Variants in CSMD1 observed in about 807,000 individuals in gnomAD.
CSMD1 encodes the protein CUB and sushi domain-containing protein 1.
Under a neutral mutation model 417.5 loss-of-function variants are expected in CSMD1, and 213 were observed. That is an observed-to-expected ratio of 0.51 (90% confidence interval 0.46 to 0.57). The LOEUF (loss-of-function observed/expected upper bound fraction) is 0.57, where lower values mean the gene tolerates loss of function less well. Ranked by LOEUF, CSMD1 falls within the 20% of genes least tolerant of loss-of-function variation. The pLI is 0.00. For synonymous variants in CSMD1, 2,862 were observed against 1,736.8 expected (o/e 1.65, Z -16.11); for missense variants, 6,923 against 4,529.7 (o/e 1.53, Z -15.17).
chr8:3,154,243 G>A (rs1188514266), intron 39 of CSMD1, among the ~76,000 whole-genome samples: 3 of 152,248 alleles, frequency 2.0e-5, no homozygotes, highest in Non-Finnish European at 2.9e-5. Context: ...GAAGTGAGGG[G>A]ATTACAGGCC....
chr8:4,133,401 C>T (rs1219552998), intron 3 of CSMD1, among the ~76,000 whole-genome samples: 1 of 152,176 alleles, frequency 6.6e-6, no homozygotes, highest in Non-Finnish European at 1.5e-5. Context: ...TACCTTCACA[C>T]CTCTGTGACG....
chr8:4,803,122 G>C lies in CSMD1; in HGVS notation c.86-165564C>G, dbSNP rs185198094. The stretch of plus-strand genomic sequence containing the variant: ...GTCTTATTTAAAAGATCATGTATAT[G>C]ATTTTTTTGCCCATACAATGGACTA... On this transcript the variant is annotated intron_variant, in intron 1 of 69. Transcript: ENST00000635120. Among the ~76,000 whole-genome samples the C allele has an allele frequency of 1.8e-4, 27 of 152,196 alleles. No homozygotes were observed. The East Asian group carries it at 2.5e-3, about 14-fold the overall frequency.
At chr8:3,124,933 A>C (rs1817412898) in intron 41 of CSMD1, among the ~76,000 whole-genome samples, 1 of 152,236 alleles carries the variant, frequency 6.6e-6, no homozygotes, top group South Asian at 2.1e-4. Flanking sequence ...TAAGAGTATC[A>C]CTAAGTAAGA....
chr8:4,000,727 TC>T (rs1402302021), intron 4 of CSMD1, among the ~76,000 whole-genome samples: 5 of 152,048 alleles, frequency 3.3e-5, no homozygotes, highest in Non-Finnish European at 5.9e-5. Context: ...TAATTGTTTT[TC>T]ATGTATAAAT....
At chr8:4,205,783 C>G (rs1386882353) in intron 3 of CSMD1, among the ~76,000 whole-genome samples, 1 of 151,926 alleles carries the variant, frequency 6.6e-6, no homozygotes, top group South Asian at 2.1e-4. Context: ...GAAATAGATG[C>G]CTGTGTTAGA....
chr8:4,581,795 G>C (rs980488789), intron 2 of CSMD1, among the ~76,000 whole-genome samples: 3 of 152,168 alleles, frequency 2.0e-5, no homozygotes, highest in Non-Finnish European at 2.9e-5. Context: ...GCTATTGCTA[G>C]GCTCTGAGCA....
At chr8:4,566,652 C>CAAAAA (rs35448667) in intron 2 of CSMD1, among the ~76,000 whole-genome samples, 3 of 62,844 alleles carry the variant, frequency 4.8e-5, no homozygotes, top group Admixed American at 2.8e-4. Context: ...GACTCTGACT[C>CAAAAA]AAAAAAAAAA....
At chr8:4,250,944 GAC>G (rs1341025275) in intron 3 of CSMD1, among the ~76,000 whole-genome samples, 4 of 152,142 alleles carry the variant, frequency 2.6e-5, no homozygotes, top group Admixed American at 2.6e-4. Context: ...TTCTTCAGAT[GAC>G]ACGTTTCCCT....
intron 3 of CSMD1, among the ~76,000 whole-genome samples, chr8:4,128,558 T>A (rs970877969): frequency 6.6e-6 from 1 of 152,082 alleles, no homozygotes; most frequent in Non-Finnish European, 1.5e-5. Flanking sequence ...AGATAACACA[T>A]CTCATCTCTT....
At chr8:4,527,510 C>G (rs1291744531) in intron 2 of CSMD1, among the ~76,000 whole-genome samples, 1 of 152,142 alleles carries the variant, frequency 6.6e-6, no homozygotes, top group African/African-American at 2.4e-5. Context: ...ATGAGTATCA[C>G]TTTTCCAAAA....
In CSMD1 at chr8:4,220,210, C is replaced by CAA. The variant is rs549696464; in HGVS notation, c.416-188112_416-188111insTT. ...AGGTGATGTGCTCGCCTTCGCCTCTCAGAGTGCCGGGATTAGAGGCGTGAG... is the reference window on the plus strand; with the variant it reads ...AGGTGATGTGCTCGCCTTCGCCTCTCAAAGAGTGCCGGGATTAGAGGCGTGAG... On this transcript the variant is annotated intron_variant, in intron 3 of 69. Coordinates refer to ENST00000635120, the MANE Select transcript of CSMD1 (RefSeq NM_033225.6). 5.9e-5 allele frequency among the ~76,000 whole-genome samples: 9 copies of CAA among 152,332 alleles called. No individual in the cohort carries two copies. In the South Asian group the frequency reaches 1.9e-3, roughly 32 times the overall value.
chr8:3,732,206 C>T (rs1371283116), intron 6 of CSMD1, among the ~76,000 whole-genome samples: 1 of 152,192 alleles, frequency 6.6e-6, no homozygotes, highest in Non-Finnish European at 1.5e-5. Flanking sequence ...TCCGAGAGGA[C>T]TCTATCAATT....
At chr8:3,460,416 G>C (rs79321586) in intron 12 of CSMD1, among the ~76,000 whole-genome samples, 4,562 of 152,222 alleles carry the variant, frequency 0.03, 128 homozygotes, top group East Asian at 0.12. Context: ...TGTGGACCCT[G>C]GGAAGGCTCC....
chr8:3,299,017 G>T (rs760597168), intron 25 of CSMD1, among the ~76,000 whole-genome samples: 1 of 152,134 alleles, frequency 6.6e-6, no homozygotes, highest in Non-Finnish European at 1.5e-5. Context: ...TGCCATCTTG[G>T]AAAATGTCTC....
chr8:4,162,194 A>C (rs1007636265), intron 3 of CSMD1, among the ~76,000 whole-genome samples: 4 of 152,204 alleles, frequency 2.6e-5, no homozygotes, highest in African/African-American at 7.2e-5. Flanking sequence ...TTCTTTCCAA[A>C]ATTATATGCA....
intron 2 of CSMD1, among the ~76,000 whole-genome samples, chr8:4,511,558 T>A (rs1350997651): frequency 6.6e-6 from 1 of 152,146 alleles, no homozygotes; most frequent in Non-Finnish European, 1.5e-5. Flanking sequence ...TCTTAGATCA[T>A]TCAGAGAGGT....
At chr8:3,865,546 A>T (rs1479611974) in intron 5 of CSMD1, among the ~76,000 whole-genome samples, 1 of 152,060 alleles carries the variant, frequency 6.6e-6, no homozygotes, top group Admixed American at 6.6e-5. Flanking sequence ...ATGAGGGACC[A>T]AGCAGGCACG....
At chr8:4,368,097 G>A (rs1360672593) in intron 3 of CSMD1, among the ~76,000 whole-genome samples, 1 of 152,092 alleles carries the variant, frequency 6.6e-6, no homozygotes, top group Non-Finnish European at 1.5e-5. Context: ...CTGTTCTCAA[G>A]GGGAGTGCTT....
chr8:4,602,052 T>C (rs73659140), intron 2 of CSMD1, among the ~76,000 whole-genome samples: 9,301 of 152,248 alleles, frequency 0.061, 344 homozygotes, highest in Middle Eastern at 0.089. Context: ...AGAATGAATA[T>C]AGAAATAGAT....
Sources: gnomAD v4.1 joint callset for allele counts (sites outside exome capture counted in the v4.1 genomes callset) on GRCh38, gnomAD v4.1.1 for gene constraint, MANE v1.5 for transcripts, NCBI Gene and HGNC (gene_info 2026-07-23, HGNC 2026-07-21) for gene names.